ADHFE1: variants seen among roughly 807,000 people sequenced by gnomAD.
ADHFE1 encodes alcohol dehydrogenase iron containing 1.
Under a neutral mutation model 54.8 loss-of-function variants are expected in ADHFE1, and 37 were observed. That is an observed-to-expected ratio of 0.68 (90% confidence interval 0.52 to 0.89). ADHFE1 has a LOEUF of 0.89. Among genes scored for constraint, ADHFE1 ranks in the 40% least tolerant of loss-of-function variants. ADHFE1 has a pLI of 0.00. For missense variants in ADHFE1, 601 were observed against 591.2 expected (o/e 1.02, Z -0.17); for synonymous variants, 203 against 229.3 (o/e 0.89, Z 1.04).
intron 8 of ADHFE1, among the ~76,000 whole-genome samples, chr8:66,451,235 A>C (rs1806283064): frequency 6.6e-6 from 1 of 152,244 alleles, no homozygotes; most frequent in African/African-American, 2.4e-5. Flanking sequence ...GCAAACTCTG[A>C]GTTTACGGTA....
At position 66,447,354 on chromosome 8, in the gene ADHFE1, C is replaced by T. The variant is rs1346192950; in HGVS notation, c.628+13C>T. 6.3e-7 allele frequency: 1 copy of T among 1,592,078 alleles called. No individual in the cohort carries two copies. Among genetic ancestry groups the T allele is most frequent in the South Asian group, 1.1e-5 (1 of 90,158 alleles). On this transcript the variant is annotated intron_variant, in intron 7 of 13. Transcript: ENST00000396623. ...AAAGTAAAAATTGGTAAGAACCATACTTTTGAATTATCTCCCTTACCTTTC... is the reference window on the plus strand; with the variant it reads ...AAAGTAAAAATTGGTAAGAACCATATTTTTGAATTATCTCCCTTACCTTTC...
At chr8:66,463,201 T>G (rs139980907) in intron 13 of ADHFE1, among the ~76,000 whole-genome samples, 89 of 152,292 alleles carry the variant, frequency 5.8e-4, no homozygotes, top group African/African-American at 2.1e-3. Context: ...AGCACTAAAT[T>G]AACACTAAAA....
At chr8:66,438,366 C>G (rs1188647890) in intron 1 of ADHFE1, among the ~76,000 whole-genome samples, 1 of 152,036 alleles carries the variant, frequency 6.6e-6, no homozygotes, top group African/African-American at 2.4e-5. Context: ...TGGCTGAAGG[C>G]AGCCCAGGAC....
chr8:66,438,732 GA>G (rs2130350619), intron 1 of ADHFE1, among the ~76,000 whole-genome samples: 2 of 152,164 alleles, frequency 1.3e-5, no homozygotes, highest in South Asian at 4.2e-4. Flanking sequence ...TCAATAGGCT[GA>G]AAAAGATTGA....
chr8:66,467,771 G>A (rs1282086241), intron 13 of ADHFE1, among the ~76,000 whole-genome samples: 1 of 152,166 alleles, frequency 6.6e-6, no homozygotes, highest in African/African-American at 2.4e-5. Context: ...ATTTGCTTGG[G>A]AACATAGAGA....
intron 9 of ADHFE1, 61 bp downstream of exon 9, chr8:66,452,166 A>G: frequency 6.3e-7 from 1 of 1,582,856 alleles, no homozygotes; most frequent in South Asian, 1.1e-5. Flanking sequence ...CAGCACGTGA[A>G]ACATGACATG....
chr8:66,447,225 T>C (rs1434775983), intron 6 of ADHFE1, 39 bp from the exon 7 acceptor site: 1 of 1,577,144 alleles, frequency 6.3e-7, no homozygotes, highest in African/African-American at 1.4e-5. Flanking sequence ...CTAACCTTTA[T>C]TTAGATGCTT....
chr8:66,441,453 C>G (rs1287674378), intron 2 of ADHFE1, among the ~76,000 whole-genome samples: 1 of 152,078 alleles, frequency 6.6e-6, no homozygotes, highest in Non-Finnish European at 1.5e-5. Flanking sequence ...GTTAAGGATG[C>G]CTTTGCACTC....
At chr8:66,455,560 C>T (rs1327393038) in intron 10 of ADHFE1, among the ~76,000 whole-genome samples, 1 of 152,160 alleles carries the variant, frequency 6.6e-6, no homozygotes, top group Non-Finnish European at 1.5e-5. Context: ...CAAAGTGTAC[C>T]CAGAGCCTGA....
intron 3 of ADHFE1, among the ~76,000 whole-genome samples, chr8:66,443,601 C>A (rs1805878706): frequency 6.6e-6 from 1 of 152,046 alleles, no homozygotes; most frequent in Non-Finnish European, 1.5e-5. Context: ...ATTAAAATGT[C>A]ACCGGGGGCC....
chr8:66,440,138 T>G, intron 1 of ADHFE1, 24 bp from the exon 2 acceptor site: 1 of 1,609,310 alleles, frequency 6.2e-7, no homozygotes, highest in South Asian at 1.1e-5. Flanking sequence ...AGGTTTTTTT[T>G]GCTGTCGTTT....
At chr8:66,438,736 A>C (rs183143629) in intron 1 of ADHFE1, among the ~76,000 whole-genome samples, 1 of 152,168 alleles carries the variant, frequency 6.6e-6, no homozygotes, top group Admixed American at 6.5e-5. Flanking sequence ...TAGGCTGAAA[A>C]AGATTGAGTG....
chr8:66,454,289 A>G (rs1019687326), intron 10 of ADHFE1, 132 bp downstream of exon 10: 1 of 808,472 alleles, frequency 1.2e-6, no homozygotes, highest in African/African-American at 1.8e-5. Context: ...ATGTTCCTAA[A>G]TGTATTCTTC....
At chr8:66,433,858 T>C (rs1805326718) in intron 1 of ADHFE1, among the ~76,000 whole-genome samples, 1 of 152,226 alleles carries the variant, frequency 6.6e-6, no homozygotes, top group Non-Finnish European at 1.5e-5. Flanking sequence ...ATACTAAAGC[T>C]GTGTTCAAAT....
intron 1 of ADHFE1, among the ~76,000 whole-genome samples, chr8:66,436,965 A>G (rs1260528815): frequency 1.3e-5 from 2 of 152,204 alleles, no homozygotes; most frequent in East Asian, 3.9e-4. Flanking sequence ...CCGTGAAGAC[A>G]GAACTGAACT....
At chr8:66,455,768 C>T (rs558062787) in intron 10 of ADHFE1, among the ~76,000 whole-genome samples, 1 of 152,018 alleles carries the variant, frequency 6.6e-6, no homozygotes, top group East Asian at 1.9e-4. Flanking sequence ...AAAGAAAATA[C>T]AAAAATTAGC....
At chr8:66,466,308 A>T (rs1271622355) in intron 13 of ADHFE1, among the ~76,000 whole-genome samples, 1 of 147,462 alleles carries the variant, frequency 6.8e-6, no homozygotes, top group Non-Finnish European at 1.5e-5. Context: ...CTGGTCTCGA[A>T]CTCCTGACCT....
In ADHFE1 at chr8:66,454,163, C is replaced by G. The variant is rs767458173; in HGVS notation, c.986+6C>G. 7.4e-6 allele frequency: 12 copies of G among 1,613,300 alleles called. No individual in the cohort carries two copies. The African/African-American group carries it at 9.3e-5, about 13-fold the overall frequency. On this transcript the variant is annotated splice_donor_region_variant and intron_variant, in intron 10 of 13. Transcript: ENST00000396623. ...AATGCTGGTGTTCATCTGTGGTGAG[C>G]AAGTCTGAGATTTCATTTCTTTACT...
chr8:66,459,392 A>T (rs1806762522), intron 12 of ADHFE1: 2 of 143,506 alleles, frequency 1.4e-5, no homozygotes, highest in African/African-American at 5.2e-5. Flanking sequence ...GATTATGTGC[A>T]TTATTTTTTA....
Sources: allele counts gnomAD v4.1 joint callset (sites outside exome capture counted in the v4.1 genomes callset), GRCh38; gene constraint gnomAD v4.1.1; transcripts MANE v1.5; gene names NCBI Gene and HGNC (gene_info 2026-07-23, HGNC 2026-07-21).